AUTS2: variants seen among roughly 807,000 people sequenced by gnomAD.
The protein encoded by AUTS2 is activator of transcription and developmental regulator AUTS2.
A neutral mutation model predicts 112.4 loss-of-function variants in AUTS2; 17 were observed. The ratio of observed to expected loss-of-function variants is 0.15; its 90% CI spans 0.10 to 0.23. AUTS2 has a LOEUF of 0.23. AUTS2 is among the 10% of genes least tolerant of loss of function. AUTS2 has a pLI of 1.00. For missense variants in AUTS2, 1,510 were observed against 1,701.6 expected (o/e 0.89, Z 1.98); for synonymous variants, 751 against 702.7 (o/e 1.07, Z -1.09).
intron 4 of AUTS2, among the ~76,000 whole-genome samples, chr7:70,381,205 G>T (rs1396529664): frequency 6.6e-6 from 1 of 152,180 alleles, no homozygotes; most frequent in Non-Finnish European, 1.5e-5. Flanking sequence ...TTTCACCAAT[G>T]AGATATTCAC....
intron 1 of AUTS2, among the ~76,000 whole-genome samples, chr7:69,884,209 C>T (rs376671679): frequency 9.8e-5 from 15 of 152,324 alleles, no homozygotes; most frequent in African/African-American, 3.4e-4. Context: ...TAACTCAAAA[C>T]TCTGCTGAGC....
intron 3 of AUTS2, among the ~76,000 whole-genome samples, chr7:70,133,782 C>T (rs188564263): frequency 6.6e-6 from 1 of 152,248 alleles, no homozygotes; most frequent in East Asian, 1.9e-4. Context: ...GTTTAAAATA[C>T]ATTTTTTGGG....
intron 4 of AUTS2, among the ~76,000 whole-genome samples, chr7:70,151,522 G>A (rs775234838): frequency 2.6e-5 from 4 of 152,148 alleles, no homozygotes; most frequent in Non-Finnish European, 5.9e-5. Context: ...TGCCCAAGCT[G>A]GAGTGCAATG....
chr7:69,832,232 A>T (rs935372355), intron 1 of AUTS2, among the ~76,000 whole-genome samples: 1 of 152,136 alleles, frequency 6.6e-6, no homozygotes, highest in Non-Finnish European at 1.5e-5. Flanking sequence ...TTTCTTCTTT[A>T]ATAACAACAG....
At chr7:69,666,912 A>T (rs1796075286) in intron 1 of AUTS2, among the ~76,000 whole-genome samples, 1 of 152,144 alleles carries the variant, frequency 6.6e-6, no homozygotes, top group South Asian at 2.1e-4. Flanking sequence ...CAAAAACAAA[A>T]CAAAACAAAA....
chr7:70,630,708 G>A (rs544304823), intron 5 of AUTS2, among the ~76,000 whole-genome samples: 35 of 152,312 alleles, frequency 2.3e-4, no homozygotes, highest in Non-Finnish European at 4.9e-4. Context: ...GCTGAAGCCC[G>A]AGCAGAAATA....
intron 1 of AUTS2, among the ~76,000 whole-genome samples, chr7:69,610,023 C>T (rs1172619118): frequency 1.3e-5 from 2 of 152,216 alleles, no homozygotes; most frequent in African/African-American, 4.8e-5. Context: ...AATAAAAAGA[C>T]ATTGATGAAT....
intron 1 of AUTS2, among the ~76,000 whole-genome samples, chr7:69,713,087 C>T (rs1441874464): frequency 1.3e-5 from 2 of 152,014 alleles, no homozygotes; most frequent in African/African-American, 2.4e-5. Flanking sequence ...TATTGAGTTT[C>T]AAGAGCTTTT....
At position 70,018,661 on chromosome 7, in the gene AUTS2, A is replaced by G. The variant is rs536582351; in HGVS notation, c.523-99471A>G. Among the ~76,000 whole-genome samples, 3 of 152,358 alleles carry G rather than the reference A, an allele frequency of 2.0e-5. No homozygotes were observed. In the East Asian group the frequency reaches 5.8e-4, roughly 29 times the overall value. ...GCTCAATAAATTTGACTTAAGTTGT[A>G]CTTTATAAGCTAATGTAAAAGGAGA... On this transcript the variant is annotated intron_variant, in intron 2 of 18. Transcript: ENST00000342771.
chr7:69,840,227 G>A (rs896275386), intron 1 of AUTS2, among the ~76,000 whole-genome samples: 4 of 152,098 alleles, frequency 2.6e-5, no homozygotes, highest in Non-Finnish European at 5.9e-5. Context: ...AAATCTCTTT[G>A]TATTCCAAAA....
At chr7:70,068,465 T>A (rs1802603082) in intron 2 of AUTS2, among the ~76,000 whole-genome samples, 1 of 152,112 alleles carries the variant, frequency 6.6e-6, no homozygotes, top group South Asian at 2.1e-4. Context: ...ATTACAGGCG[T>A]GAGCCACTGT....
At chr7:70,041,316 CATTCA>C (rs1047216652) in intron 2 of AUTS2, among the ~76,000 whole-genome samples, 17 of 152,164 alleles carry the variant, frequency 1.1e-4, no homozygotes, top group African/African-American at 2.9e-4. Flanking sequence ...CTTTACCATG[CATTCA>C]ATTCATTTTA....
At chr7:70,443,350 G>C (rs1353512823) in intron 5 of AUTS2, among the ~76,000 whole-genome samples, 1 of 152,240 alleles carries the variant, frequency 6.6e-6, no homozygotes, top group East Asian at 1.9e-4. Context: ...TATGGCCTTG[G>C]GCAAGTTACC....
At chr7:70,484,486 G>A (rs577370515) in intron 5 of AUTS2, among the ~76,000 whole-genome samples, 25 of 152,340 alleles carry the variant, frequency 1.6e-4, no homozygotes, top group African/African-American at 5.8e-4. Flanking sequence ...GTTAGCCCCT[G>A]ACGGGAACTC....
At chr7:70,297,752 G>C (rs1262557661) in intron 4 of AUTS2, among the ~76,000 whole-genome samples, 1 of 152,038 alleles carries the variant, frequency 6.6e-6, no homozygotes, top group Admixed American at 6.5e-5. Context: ...TTTCTACCAG[G>C]ACAAACAGGA....
chr7:69,775,582 A>C (rs1199466357), intron 1 of AUTS2, among the ~76,000 whole-genome samples: 2 of 152,092 alleles, frequency 1.3e-5, no homozygotes, highest in African/African-American at 2.4e-5. Context: ...CACCCAGATA[A>C]AGTGTAGCAG....
At chr7:70,392,699 C>T (rs1562931560) in intron 4 of AUTS2, among the ~76,000 whole-genome samples, 1 of 152,232 alleles carries the variant, frequency 6.6e-6, no homozygotes, top group Non-Finnish European at 1.5e-5. Flanking sequence ...CAGCCTGCCT[C>T]CGCTTGCTAA....
At chr7:70,083,145 T>C (rs924459596) in intron 2 of AUTS2, among the ~76,000 whole-genome samples, 2 of 152,160 alleles carry the variant, frequency 1.3e-5, no homozygotes, top group Admixed American at 6.5e-5. Context: ...ATGATTGTTT[T>C]TCTTGATACT....
At chr7:69,678,660 C>G (rs539184205) in intron 1 of AUTS2, among the ~76,000 whole-genome samples, 5 of 152,176 alleles carry the variant, frequency 3.3e-5, no homozygotes, top group African/African-American at 1.2e-4. Context: ...CAATCTCTCT[C>G]AACTTTTGTT....
Sources: gnomAD v4.1 joint callset for allele counts (sites outside exome capture counted in the v4.1 genomes callset) on GRCh38, gnomAD v4.1.1 for gene constraint, MANE v1.5 for transcripts, NCBI Gene and HGNC (gene_info 2026-07-23, HGNC 2026-07-21) for gene names.